Variants in MGAT4C observed in about 807,000 individuals in gnomAD.
MGAT4C encodes alpha-1,3-mannosyl-glycoprotein 4-beta-N-acetylglucosaminyltransferase C.
Under a neutral mutation model 40.1 loss-of-function variants are expected in MGAT4C, and 19 were observed. That is an observed-to-expected ratio of 0.47 (90% confidence interval 0.33 to 0.70). The LOEUF (loss-of-function observed/expected upper bound fraction) is 0.70, where lower values mean the gene tolerates loss of function less well. Among genes scored for constraint, MGAT4C ranks in the 30% least tolerant of loss-of-function variants. The pLI, the probability that MGAT4C is intolerant of heterozygous loss-of-function variation, is 0.02. For synonymous variants in MGAT4C, 181 were observed against 187.1 expected, an observed-to-expected ratio of 0.97 and a Z score of 0.27; for missense variants, 491 against 563.2, an observed-to-expected ratio of 0.87 and a Z score of 1.30.
At chr12:86,087,408 G>A (rs1240914081) in intron 1 of MGAT4C, among the ~76,000 whole-genome samples, 1 of 151,664 alleles carries the variant, frequency 6.6e-6, no homozygotes, top group African/African-American at 2.4e-5. Context: ...ACTATTTCTA[G>A]TATTTAACTT....
At chr12:86,745,034 G>A (rs1252741296) in intron 1 of MGAT4C, 1 of 151,564 alleles carries the variant, frequency 6.6e-6, no homozygotes, top group Non-Finnish European at 1.5e-5. Context: ...AAGAGAATGT[G>A]CCTGCAGGTA....
chr12:86,138,505 T>TATATATATTTCCATATATATATC (rs1491500455), intron 1 of MGAT4C, among the ~76,000 whole-genome samples: 14 of 146,944 alleles, frequency 9.5e-5, no homozygotes, highest in African/African-American at 3.5e-4. Context: ...ATATATATCA[T>TATATATATTTCCATATATATATC]GTATATATTT....
At chr12:86,319,916 T>C (rs1954338309) in intron 4 of MGAT4C, among the ~76,000 whole-genome samples, 1 of 152,178 alleles carries the variant, frequency 6.6e-6, no homozygotes, top group African/African-American at 2.4e-5. Context: ...AGAAATGAAA[T>C]TTTAATTCTC....
intron 3 of MGAT4C, among the ~76,000 whole-genome samples, chr12:86,346,753 T>C (rs1282035494): frequency 6.6e-6 from 1 of 152,130 alleles, no homozygotes; most frequent in Non-Finnish European, 1.5e-5. Context: ...TGTGAGGGTG[T>C]TGCCAAAAGA....
intron 4 of MGAT4C, among the ~76,000 whole-genome samples, chr12:86,313,830 C>G (rs112530984): frequency 6.6e-6 from 1 of 152,082 alleles, no homozygotes; most frequent in Non-Finnish European, 1.5e-5. Flanking sequence ...AAACATTTTC[C>G]AAATGATCTA....
At chr12:86,455,359 C>T (rs1957492041) in intron 2 of MGAT4C, among the ~76,000 whole-genome samples, 2 of 152,070 alleles carry the variant, frequency 1.3e-5, no homozygotes, top group South Asian at 4.1e-4. Context: ...AAAGTTTTTG[C>T]TCCTCTAGAT....
Position 86,458,160 on chromosome 12 carries a change from C to A in MGAT4C, c.-228-22895G>T, listed in dbSNP as rs138371314. On this transcript the variant is annotated intron_variant, in intron 2 of 7. Coordinates refer to the MGAT4C transcript ENST00000548651. Reference sequence around the variant, plus strand: ...ATTAGCACCTAAAGTATTTTAGCAGCTACCTTAAATTTATTTTAGAAGAAA... The same window carrying A: ...ATTAGCACCTAAAGTATTTTAGCAGATACCTTAAATTTATTTTAGAAGAAA... 3.3e-5 allele frequency among the ~76,000 whole-genome samples: 5 copies of A among 152,170 alleles called. No homozygotes were observed. In the East Asian group the frequency reaches 9.7e-4, roughly 29 times the overall value.
chr12:86,375,481 T>TC (rs947711038), intron 3 of MGAT4C, among the ~76,000 whole-genome samples: 6 of 152,116 alleles, frequency 3.9e-5, no homozygotes, highest in African/African-American at 1.4e-4. Context: ...TATTTTTTTT[T>TC]CTTTATAGTT....
Position 86,561,968 on chromosome 12 carries a change from G to A in MGAT4C, c.-228-126703C>T, listed in dbSNP as rs138366107. ...TAGTCCTGGGCATGAACTGTTTAGAGAGTTGTGCAAAATAAATACACATTT... is the reference window on the plus strand; with the variant it reads ...TAGTCCTGGGCATGAACTGTTTAGAAAGTTGTGCAAAATAAATACACATTT... On this transcript the variant is annotated intron_variant, in intron 2 of 7. Coordinates refer to the MGAT4C transcript ENST00000548651. Among the ~76,000 whole-genome samples the A allele has an allele frequency of 4.5e-4, 68 of 152,260 alleles. 1 individual carries two copies. In the East Asian group the frequency reaches 8.5e-3, roughly 19 times the overall value.
intron 4 of MGAT4C, among the ~76,000 whole-genome samples, chr12:86,287,041 G>C (rs1333055694): frequency 6.6e-6 from 1 of 152,100 alleles, no homozygotes; most frequent in African/African-American, 2.4e-5. Flanking sequence ...ATAGTGCTGT[G>C]ATGAACATAT....
In MGAT4C at chr12:85,973,196, T is replaced by C. The variant is rs1883715123; in HGVS notation, c.*6093A>G. ...TGAGGGAAAGGGTGGAAGAGACAAA[T>C]CCTACGTCTCTTCCAGAACTTCGAG... On this transcript the variant is annotated 3_prime_UTR_variant, in exon 5 of 5. Transcript: ENST00000611864. The C allele has an allele frequency of 6.6e-6, 1 of 150,790 alleles. No individual in the cohort carries two copies. The highest frequency in any genetic ancestry group is 2.4e-5 in the African/African-American group (1 of 41,296). The allele number at this position is 150,790 out of a possible 1,614,324, so 9.3% of individuals were successfully genotyped here.
intron 1 of MGAT4C, among the ~76,000 whole-genome samples, chr12:86,252,934 T>C (rs905002996): frequency 6.6e-6 from 1 of 151,918 alleles, no homozygotes; most frequent in Non-Finnish European, 1.5e-5. Context: ...ATTCTTATAA[T>C]ATTTCAGTGA....
intron 1 of MGAT4C, among the ~76,000 whole-genome samples, chr12:86,791,049 T>C (rs1952012533): frequency 6.6e-6 from 1 of 152,090 alleles, no homozygotes. Flanking sequence ...TAAACATAGA[T>C]AACAATGAAT....
chr12:86,450,549 C>T (rs902320395), intron 2 of MGAT4C, among the ~76,000 whole-genome samples: 5 of 151,878 alleles, frequency 3.3e-5, no homozygotes, highest in African/African-American at 1.2e-4. Flanking sequence ...ATACTTAGTG[C>T]TTCTTGAGTT....
intron 2 of MGAT4C, among the ~76,000 whole-genome samples, chr12:86,469,596 G>T (rs545922263): frequency 1.3e-5 from 2 of 152,168 alleles, no homozygotes; most frequent in East Asian, 3.9e-4. Flanking sequence ...CTGTTAGATT[G>T]GTACCAAAGT....
intron 1 of MGAT4C, among the ~76,000 whole-genome samples, chr12:86,224,062 G>A (rs140860858): frequency 6.6e-6 from 1 of 152,292 alleles, no homozygotes; most frequent in African/African-American, 2.4e-5. Flanking sequence ...ATTGGCCCGT[G>A]TGTACCTACT....
At position 86,759,952 on chromosome 12, in the gene MGAT4C, A is replaced by T. The variant is rs111617124; in HGVS notation, c.-261-32711T>A. On this transcript the variant is annotated intron_variant, in intron 1 of 7. Transcript: ENST00000548651. ...CTGGAATTCAATGGAAGCACAAAAG[A>T]CCCCAAATAGCCAAAACAATTTTGA... 3.5e-3 allele frequency among the ~76,000 whole-genome samples: 526 copies of T among 152,236 alleles called. 7 individuals carry two copies. The highest frequency in any genetic ancestry group is 0.012 in the African/African-American group (509 of 41,562).
intron 2 of MGAT4C, among the ~76,000 whole-genome samples, chr12:85,993,411 G>A (rs538293118): frequency 6.6e-6 from 1 of 152,302 alleles, no homozygotes; most frequent in South Asian, 2.1e-4. Context: ...GAGAAGGGAG[G>A]AGGAAACACT....
chr12:86,403,800 A>G (rs192860665), intron 3 of MGAT4C, among the ~76,000 whole-genome samples: 13 of 152,288 alleles, frequency 8.5e-5, no homozygotes, highest in Admixed American at 6.5e-4. Context: ...TTGACTCCCA[A>G]TGGGGACACT....
Sources: allele counts gnomAD v4.1 joint callset (sites outside exome capture counted in the v4.1 genomes callset), GRCh38; gene constraint gnomAD v4.1.1; transcripts MANE v1.5; gene names NCBI Gene and HGNC (gene_info 2026-07-23, HGNC 2026-07-21).